The following QRFPR variants were observed in gnomAD, a reference collection of about 807,000 sequenced individuals.
The protein encoded by QRFPR is pyroglutamylated RFamide peptide receptor.
Under a neutral mutation model 31.3 loss-of-function variants are expected in QRFPR, and 37 were observed. That is an observed-to-expected ratio of 1.18 (90% CI 0.91 to 1.56). The LOEUF (loss-of-function observed/expected upper bound fraction) is 1.56, where lower values mean the gene tolerates loss of function less well. Among genes scored for constraint, QRFPR ranks in the 40% most tolerant of loss-of-function variants. The probability of loss-of-function intolerance (pLI) is 0.00; values close to 1 mark genes in which losing one functional copy is unlikely to be tolerated. For synonymous variants in QRFPR, 197 were observed against 192.0 expected (o/e 1.03, Z -0.22); for missense variants, 542 against 532.5 (o/e 1.02, Z -0.18).
At chr4:121,335,583 G>T (rs1560733509) in intron 3 of QRFPR, among the ~76,000 whole-genome samples, 1 of 81,658 alleles carries the variant, frequency 1.2e-5, no homozygotes, top group East Asian at 1.2e-3. Flanking sequence ...GGGGGTGGGG[G>T]GTGGGGCGGG....
At chr4:121,372,938 A>C (rs773030747) in intron 1 of QRFPR, among the ~76,000 whole-genome samples, 1 of 152,218 alleles carries the variant, frequency 6.6e-6, no homozygotes, top group Non-Finnish European at 1.5e-5. Flanking sequence ...TGAAACCACA[A>C]CACAGAGGGA....
intron 4 of QRFPR, among the ~76,000 whole-genome samples, chr4:121,331,906 G>A (rs1165930625): frequency 6.6e-6 from 1 of 152,010 alleles, no homozygotes; most frequent in Non-Finnish European, 1.5e-5. Flanking sequence ...ACCCACCTCG[G>A]CCCCCCAAAT....
chr4:121,359,870 A>G (rs1377240630), intron 1 of QRFPR, among the ~76,000 whole-genome samples: 2 of 151,816 alleles, frequency 1.3e-5, no homozygotes, highest in Non-Finnish European at 2.9e-5. Flanking sequence ...ACCCTGACTA[A>G]TACGGCTTAT....
At chr4:121,338,161 C>T (rs745533763) in intron 2 of QRFPR, among the ~76,000 whole-genome samples, 6 of 152,308 alleles carry the variant, frequency 3.9e-5, no homozygotes, top group East Asian at 1.9e-4. Context: ...ATTTCTCACT[C>T]GCTCTTTCTC....
At chr4:121,354,038 G>T (rs1484211740) in intron 1 of QRFPR, among the ~76,000 whole-genome samples, 1 of 151,934 alleles carries the variant, frequency 6.6e-6, no homozygotes, top group Non-Finnish European at 1.5e-5. Context: ...ATTTATTCCC[G>T]GGTTCTTTAT....
chr4:121,365,676 TA>T (rs1237953298), intron 1 of QRFPR, among the ~76,000 whole-genome samples: 4 of 86,914 alleles, frequency 4.6e-5, no homozygotes, highest in Non-Finnish European at 6.2e-5. Context: ...TTATATATTA[TA>T]TATATATATA....
intron 2 of QRFPR, among the ~76,000 whole-genome samples, chr4:121,338,309 T>A: frequency 6.6e-6 from 1 of 152,156 alleles, no homozygotes; most frequent in Non-Finnish European, 1.5e-5. Flanking sequence ...GCTCATTGAC[T>A]ACCTTCCTGG....
chr4:121,378,347 T>C (rs1162626311), intron 1 of QRFPR, among the ~76,000 whole-genome samples: 4 of 151,302 alleles, frequency 2.6e-5, no homozygotes, highest in African/African-American at 9.7e-5. Flanking sequence ...ATGCACCATA[T>C]GGCCTTTCTT....
chr4:121,332,969 A>G lies in QRFPR; in HGVS notation c.649T>C (p.Phe217Leu). Residue 217 changes from phenylalanine (F) to leucine (L), a missense_variant, in exon 4 of 6, where the codon TTC (phenylalanine) becomes CTC (leucine). Transcript: ENST00000394427. Reference sequence around the variant, plus strand: ...AGGAGGAAGAGGATGACAAGGATGAAGGTGGTGTAGATCTTCTGGTGCACA... The same window carrying G: ...AGGAGGAAGAGGATGACAAGGATGAGGGTGGTGTAGATCTTCTGGTGCACA... ...SPVHQKIYTT[F>L]ILVILFLLPL... The G allele has an allele frequency of 6.2e-7, 1 of 1,613,986 alleles. No individual in the cohort carries two copies. The highest frequency in any genetic ancestry group is 8.5e-7 in the Non-Finnish European group (1 of 1,179,848).
chr4:121,374,902 G>A (rs182081965), intron 1 of QRFPR, among the ~76,000 whole-genome samples: 11 of 152,246 alleles, frequency 7.2e-5, no homozygotes, highest in Non-Finnish European at 1.3e-4. Flanking sequence ...GCCACTGCTA[G>A]AAAATTCTTT....
intron 3 of QRFPR, among the ~76,000 whole-genome samples, chr4:121,333,676 G>C (rs112476578): frequency 1.3e-5 from 2 of 152,066 alleles, no homozygotes; most frequent in African/African-American, 4.8e-5. Context: ...TGGTTTATTC[G>C]TACTATTTCT....
chr4:121,369,005 C>A (rs1299021397), intron 1 of QRFPR, among the ~76,000 whole-genome samples: 2 of 152,146 alleles, frequency 1.3e-5, no homozygotes, highest in African/African-American at 4.8e-5. Flanking sequence ...CAGCTCTAGC[C>A]TCAATTTAAC....
chr4:121,351,682 G>A (rs1282812197), intron 1 of QRFPR, among the ~76,000 whole-genome samples: 1 of 151,866 alleles, frequency 6.6e-6, no homozygotes, highest in Non-Finnish European at 1.5e-5. Context: ...AAAACTTTAG[G>A]CATTAGAAAG....
intron 2 of QRFPR, among the ~76,000 whole-genome samples, chr4:121,339,432 T>C (rs1725496733): frequency 6.6e-6 from 1 of 152,206 alleles, no homozygotes; most frequent in African/African-American, 2.4e-5. Context: ...TGTGACTTGC[T>C]GACTCAGGAA....
At chr4:121,336,646 A>C (rs968091049) in intron 3 of QRFPR, among the ~76,000 whole-genome samples, 161 bp downstream of exon 3, 5 of 152,244 alleles carry the variant, frequency 3.3e-5, no homozygotes, top group African/African-American at 1.2e-4. Flanking sequence ...AGAGAAAATG[A>C]ACCTTAAAAA....
intron 1 of QRFPR, among the ~76,000 whole-genome samples, chr4:121,359,358 T>C (rs1450972137): frequency 6.6e-6 from 1 of 152,132 alleles, no homozygotes; most frequent in Non-Finnish European, 1.5e-5. Context: ...GTCAGTGGAC[T>C]GGAAAAGGCA....
At chr4:121,335,331 G>A (rs1725411266) in intron 3 of QRFPR, among the ~76,000 whole-genome samples, 1 of 151,950 alleles carries the variant, frequency 6.6e-6, no homozygotes, top group Non-Finnish European at 1.5e-5. Context: ...TTATGAAAAG[G>A]CTCCACCAGT....
At position 121,380,711 on chromosome 4, in the gene QRFPR, G is replaced by T. The variant is rs1726476983; in HGVS notation, c.-64C>A. The T allele has an allele frequency of 4.2e-6, 6 of 1,412,764 alleles. No individual in the cohort carries two copies. The highest frequency in any genetic ancestry group is 1.4e-5 in the African/African-American group (1 of 69,336). 87.5% of individuals were successfully genotyped at this position (1,412,764 alleles called of 1,614,324 possible). On this transcript the variant is annotated 5_prime_UTR_variant, in exon 1 of 6. Transcript: ENST00000394427. Reference sequence around the variant, plus strand: ...CTGGCTGGCCATCCGCATCTGCGGGGCAGCGAGGGCTTCGGGGGACCAGCC... The same window carrying T: ...CTGGCTGGCCATCCGCATCTGCGGGTCAGCGAGGGCTTCGGGGGACCAGCC...
chr4:121,365,840 A>G (rs1295502559), intron 1 of QRFPR, among the ~76,000 whole-genome samples: 1 of 143,380 alleles, frequency 7.0e-6, no homozygotes, highest in Admixed American at 7.0e-5. Flanking sequence ...CCAAGCATGT[A>G]GTTTTATCTG....
Sources: gnomAD v4.1 joint callset for allele counts (sites outside exome capture counted in the v4.1 genomes callset) on GRCh38, gnomAD v4.1.1 for gene constraint, MANE v1.5 for transcripts, NCBI Gene and HGNC (gene_info 2026-07-23, HGNC 2026-07-21) for gene names.